The following DQX1 variants were observed in gnomAD, a reference collection of about 807,000 sequenced individuals.
DQX1 encodes the protein DEAQ-box RNA dependent ATPase 1, also known as ATP-dependent RNA helicase homolog DQX1.
A neutral mutation model predicts 81.3 loss-of-function variants in DQX1; 66 were observed. The observed-to-expected ratio is 0.81, with a 90% CI of 0.67 to 1.00. The LOEUF is 1.00. Ranked by LOEUF, DQX1 falls within the 50% of genes least tolerant of loss-of-function variation. The pLI is 0.00. For synonymous variants in DQX1, 290 were observed against 350.0 expected (o/e 0.83, Z 1.91); for missense variants, 798 against 867.9 (o/e 0.92, Z 1.01).
At chr2:74,519,809 T>C in intron 9 of DQX1, 63 bp from the exon 10 acceptor site, 1 of 1,604,018 alleles carries the variant, frequency 6.2e-7, no homozygotes, top group Non-Finnish European at 8.5e-7. Context: ...ACCCAACCCT[T>C]AGCCAAAGGG....
Position 74,518,464 on chromosome 2 carries a change from A to G in DQX1, c.2136T>C (p.Asp712=), listed in dbSNP as rs1274217522. The change falls in exon 12 of 12, where the codon GAT becomes GAC. Residue 712 remains aspartate (D), a synonymous_variant. Transcript: ENST00000404568. ...AGGCAGGTCACTGCAGGACACAGGG[A>G]TCTCTGAACTCCTGGGCTGAGGATG... ...SKSSSAQEFR[D]PCVLQ is the part of the protein sequence containing the mutation. The G allele has an allele frequency of 1.2e-6, 2 of 1,614,066 alleles. No homozygotes were observed. Among genetic ancestry groups the G allele is most frequent in the African/African-American group, 2.7e-5 (2 of 74,920 alleles).
chr2:74,523,904 G>GTT lies in DQX1; in HGVS notation c.816+17_816+18dup. On this transcript the variant is annotated intron_variant, in intron 4 of 11. Transcript: ENST00000404568. ...GCTCATTTTGCAGGCTGTTTTTTTT[G>GTT]TTTTGTTTTGTTTTTTACCTCCTCA... 1.3e-6 allele frequency: 2 copies of GTT among 1,526,702 alleles called. No individual in the cohort carries two copies. The highest frequency in any genetic ancestry group is 4.5e-5 in the Admixed American group (2 of 44,546). 94.6% of individuals were successfully genotyped at this position (1,526,702 alleles called of 1,614,324 possible).
chr2:74,524,138 C>T lies in DQX1; in HGVS notation c.601G>A (p.Val201Ile). Residue 201 changes from valine (V) to isoleucine (I), a missense_variant, in exon 4 of 12, where the codon GTT becomes ATT. Physicochemically the swap from Val to Ile is conservative, Grantham distance 29. Transcript: ENST00000404568. ...LEKLPGDLRV[V>I]VVTDPALEPK... ...TCAAGGGCTGGGTCAGTAACCACAACCACTCTGAGGTCCCCCGGAAGTTTT... is the reference window on the plus strand; with the variant it reads ...TCAAGGGCTGGGTCAGTAACCACAATCACTCTGAGGTCCCCCGGAAGTTTT... 6.2e-7 allele frequency: 1 copy of T among 1,614,198 alleles called. No homozygotes were observed. Among genetic ancestry groups the T allele is most frequent in the Non-Finnish European group, 8.5e-7 (1 of 1,180,028 alleles).
chr2:74,521,801 C>A (rs1472251287), intron 8 of DQX1, among the ~76,000 whole-genome samples: 4 of 150,768 alleles, frequency 2.7e-5, no homozygotes, highest in Non-Finnish European at 5.9e-5. Flanking sequence ...CTCTCTCCCC[C>A]TCTCCCCATG....
rs141416881 is a variant in DQX1 at position 74,522,882 on chromosome 2, C to T, written c.1277G>A (p.Gly426Glu). 1 of 1,614,084 alleles carries T rather than the reference C, an allele frequency of 6.2e-7. No individual in the cohort carries two copies. The highest frequency in any genetic ancestry group is 1.3e-5 in the African/African-American group (1 of 75,034). Residue 426 changes from glycine to glutamate, a missense_variant, in exon 7 of 12, where the codon GGG becomes GAG. Transcript: ENST00000404568. ...AGGCTGGTCCAGGAAGTGACACTCCCCTGGCTCTGCAATCTGTCTCCTTTT... is the reference window on the plus strand; with the variant it reads ...AGGCTGGTCCAGGAAGTGACACTCCTCTGGCTCTGCAATCTGTCTCCTTTT... ...LLKRRQIAEP[G>E]ECHFLDQPAP...
Position 74,518,575 on chromosome 2 carries a change from G to C in DQX1, c.2025C>G (p.Phe675Leu), listed in dbSNP as rs953194665. The C allele has an allele frequency of 1.2e-6, 2 of 1,614,054 alleles. No individual in the cohort carries two copies. The highest frequency in any genetic ancestry group is 1.6e-4 in the Middle Eastern group (1 of 6,084). The part of the protein sequence containing the change: ...QMLVELAPPY[F>L]LSNLPPSESR... ...TCTCACTGGGAGGCAAGTTACTCAGGAAGTATGGAGGGGCCAATTCCACCA... is the reference window on the plus strand; with the variant it reads ...TCTCACTGGGAGGCAAGTTACTCAGCAAGTATGGAGGGGCCAATTCCACCA... Residue 675 changes from phenylalanine (F) to leucine (L), a missense_variant, in exon 12 of 12, where the codon TTC (phenylalanine) becomes TTG (leucine). Transcript: ENST00000404568.
At position 74,525,767 on chromosome 2, in the gene DQX1, C is replaced by T; in HGVS notation, c.-19-19G>A. The T allele has an allele frequency of 6.6e-7, 1 of 1,520,878 alleles. No homozygotes were observed. The highest frequency in any genetic ancestry group is 8.9e-7 in the Non-Finnish European group (1 of 1,123,012). 94.2% of individuals were successfully genotyped at this position (1,520,878 alleles called of 1,614,324 possible). ...GCAGGACCTGCAGAAGGCAGAGCAG[C>T]CAGTAAGGTCATATTTGGTGACCGA... is the stretch of plus-strand genomic sequence containing the variant. On this transcript the variant is annotated intron_variant, in intron 1 of 11. Coordinates refer to ENST00000404568, the MANE Select transcript of DQX1 (RefSeq NM_133637.3). This position sits in a 1 kb window ranked among gnomAD's most constrained non-coding sequence, Gnocchi z 4.1.
intron 8 of DQX1, among the ~76,000 whole-genome samples, chr2:74,521,337 G>A (rs1454588552): frequency 6.6e-6 from 1 of 152,134 alleles, no homozygotes; most frequent in Non-Finnish European, 1.5e-5. Context: ...CTGAGGTACT[G>A]TTAACTATTC....
chr2:74,523,625 C>T (rs562369621), intron 4 of DQX1, 88 bp from the exon 5 acceptor site: 264 of 1,278,486 alleles, frequency 2.1e-4, no homozygotes, highest in Non-Finnish European at 2.7e-4. Flanking sequence ...AAAGTTATGG[C>T]CCTTCACTCT....
In DQX1 at chr2:74,523,539, T is replaced by C. The variant is rs1256074448; in HGVS notation, c.817-2A>G. The C allele has an allele frequency of 6.4e-7, 1 of 1,568,170 alleles. No individual in the cohort carries two copies. Among genetic ancestry groups the C allele is most frequent in the Non-Finnish European group, 8.7e-7 (1 of 1,144,852 alleles). On this transcript the variant is annotated splice_acceptor_variant, in intron 4 of 11. Transcript: ENST00000404568. LOFTEE classifies it high-confidence loss of function. ...GGATTCACAGCACAGGGAAATTTCCTGAGAAGAAGGGTGGGTGGGGCATTA... is the reference window on the plus strand; with the variant it reads ...GGATTCACAGCACAGGGAAATTTCCCGAGAAGAAGGGTGGGTGGGGCATTA...
Position 74,519,743 on chromosome 2 carries a change from C to T in DQX1, c.1619G>A (p.Gly540Glu), listed in dbSNP as rs773318125. The part of the protein sequence containing the change: ...IQVYEAFIQS[G>E]ADEAWCQARG... ...AGCCTGGCACCAAGCCTCATCTGCT[C>T]CACCTAGGAGAGGAAAGGGACCAGC... Residue 540 changes from glycine to glutamate, a missense_variant, in exon 10 of 12, where the codon GGA becomes GAA. Coordinates refer to ENST00000404568, the MANE Select transcript of DQX1 (RefSeq NM_133637.3). 2.5e-6 allele frequency: 4 copies of T among 1,614,154 alleles called. No homozygotes were observed. Among genetic ancestry groups the T allele is most frequent in the South Asian group, 1.1e-5 (1 of 91,074 alleles).
Position 74,525,395 on chromosome 2 carries a change from C to T in DQX1, c.237+98G>A, listed in dbSNP as rs1426281359. Reference sequence around the variant, plus strand: ...CCTCATGACCCCACGCAGCCCAGTCCCCCCTTGCCCAGGGAAAGGCCACTT... The same window carrying T: ...CCTCATGACCCCACGCAGCCCAGTCTCCCCTTGCCCAGGGAAAGGCCACTT... On this transcript the variant is annotated intron_variant, in intron 2 of 11. Coordinates refer to ENST00000404568, the MANE Select transcript of DQX1 (RefSeq NM_133637.3). The surrounding 1 kb of genome is among the most constrained non-coding windows in gnomAD (Gnocchi z 4.1). 7.4e-7 allele frequency: 1 copy of T among 1,353,628 alleles called. No individual in the cohort carries two copies. The highest frequency in any genetic ancestry group is 1.0e-6 in the Non-Finnish European group (1 of 990,308). 83.9% of individuals were successfully genotyped at this position (1,353,628 alleles called of 1,614,324 possible).
In DQX1 at chr2:74,525,866, C is replaced by T. The variant is rs148843021; in HGVS notation, c.-19-118G>A. ...ATCATGCTCTGGGGCCCACCCTTCC[C>T]AGCATTTCCTGCCAGGAAACAGTGC... On this transcript the variant is annotated intron_variant, in intron 1 of 11. Coordinates refer to ENST00000404568, the MANE Select transcript of DQX1 (RefSeq NM_133637.3). The surrounding 1 kb of genome is among the most constrained non-coding windows in gnomAD (Gnocchi z 4.1). 2.5e-3 allele frequency: 1,745 copies of T among 697,548 alleles called. 3 individuals carry two copies. The highest frequency in any genetic ancestry group is 0.011 in the Middle Eastern group (28 of 2,610). 43.2% of individuals were successfully genotyped at this position (697,548 alleles called of 1,614,324 possible). A position where few individuals can be genotyped will look rare whatever the true frequency, so the allele number is the denominator to read the frequency against.
Position 74,522,622 on chromosome 2 carries a change from C to A in DQX1, c.1453G>T (p.Asp485Tyr), listed in dbSNP as rs1675057297. Residue 485 changes from aspartate (D) to tyrosine (Y), a missense_variant, in exon 8 of 12, where the codon GAC (aspartate) becomes TAC (tyrosine). Asp to Tyr is a radical substitution (Grantham distance 160). Transcript: ENST00000404568. ...AGGGTGAGCATCTCGTCCACACAGT[C>A]AAACTCGCATGAGGCCAGCAGGGCT... ...AKALLASCEF[D>Y]CVDEMLTLAA... 5 of 1,614,152 alleles carry A rather than the reference C, an allele frequency of 3.1e-6. No homozygotes were observed. In the East Asian group the frequency reaches 1.1e-4, roughly 36 times the overall value.
chr2:74,518,475 C>T lies in DQX1; in HGVS notation c.2125G>A (p.Glu709Lys). ...TGCAGGACACAGGGATCTCTGAACT[C>T]CTGGGCTGAGGATGATTTGCTCCCT... The part of the protein sequence containing the change: ...TAGSKSSSAQ[E>K]FRDPCVLQ Residue 709 changes from glutamate (E) to lysine (K), a missense_variant, in exon 12 of 12, where the codon GAG becomes AAG. Physicochemically the swap from Glu to Lys is moderately conservative, Grantham distance 56 (BLOSUM62 1). Coordinates refer to ENST00000404568, the MANE Select transcript of DQX1 (RefSeq NM_133637.3). 1 of 1,614,208 alleles carries T rather than the reference C, an allele frequency of 6.2e-7. No homozygotes were observed. The highest frequency in any genetic ancestry group is 8.5e-7 in the Non-Finnish European group (1 of 1,180,034).
chr2:74,521,255 G>A (rs1675015129), intron 8 of DQX1, among the ~76,000 whole-genome samples: 1 of 152,216 alleles, frequency 6.6e-6, no homozygotes, highest in Non-Finnish European at 1.5e-5. Context: ...TAAGACTCTA[G>A]AGAGAGGAAA....
At chr2:74,523,256 G>T in intron 5 of DQX1, 38 bp from the exon 6 acceptor site, 1 of 1,614,068 alleles carries the variant, frequency 6.2e-7, no homozygotes, top group Non-Finnish European at 8.5e-7. Flanking sequence ...AGACAGATCA[G>T]AGTGGGCCAT....
rs757569116 is a variant in DQX1 at position 74,522,715 on chromosome 2, C to T, written c.1360G>A (p.Asp454Asn). The T allele has an allele frequency of 3.7e-6, 6 of 1,614,236 alleles. No homozygotes were observed. The South Asian group carries it at 6.6e-5, about 18-fold the overall frequency. The change falls in exon 8 of 12, where the codon GAT becomes AAT. Residue 454 changes from aspartate (D) to asparagine (N), a missense_variant. Asp to Asn is a conservative substitution (Grantham distance 23). Coordinates refer to ENST00000404568, the MANE Select transcript of DQX1 (RefSeq NM_133637.3). ...EDLDYLAALDDDGDLSDLGVI... is the reference protein window; with the variant it reads ...EDLDYLAALDNDGDLSDLGVI... ...CCCAGATCTGACAGGTCCCCATCAT[C>T]ATCCAGGGCTGCCAGATAGTCTAAA... is the stretch of plus-strand genomic sequence containing the variant.
At chr2:74,523,280 A>T in intron 5 of DQX1, 30 bp downstream of exon 5, 1 of 1,613,504 alleles carries the variant, frequency 6.2e-7, no homozygotes. Context: ...TGTCTTTACT[A>T]CCCCACCGCT....
Sources: allele counts gnomAD v4.1 joint callset (sites outside exome capture counted in the v4.1 genomes callset), GRCh38; gene constraint gnomAD v4.1.1; non-coding constraint Gnocchi (gnomAD v3.1); transcripts MANE v1.5; gene names NCBI Gene and HGNC (gene_info 2026-07-23, HGNC 2026-07-21).